Variants in UTS2 observed in about 807,000 individuals in gnomAD.
UTS2 encodes the protein urotensin 2.
In UTS2, 10 loss-of-function variants were observed where a neutral mutation model predicts 12.6. The ratio of observed to expected loss-of-function variants is 0.80; its 90% CI spans 0.49 to 1.35. UTS2 has a LOEUF of 1.35. Among genes scored for constraint, UTS2 ranks in the 40% most tolerant of loss-of-function variants. The pLI, the probability that UTS2 is intolerant of heterozygous loss-of-function variation, is 0.00. For synonymous variants in UTS2, 52 were observed against 50.0 expected, an observed-to-expected ratio of 1.04 and a Z score of -0.17; for missense variants, 142 against 143.2, an observed-to-expected ratio of 0.99 and a Z score of 0.04.
chr1:7,848,223 A>G (rs2151381498), intron 3 of UTS2, among the ~76,000 whole-genome samples: 1 of 152,194 alleles, frequency 6.6e-6, no homozygotes, highest in South Asian at 2.1e-4. Context: ...TGAGGTGGGC[A>G]GATCACTTGA....
chr1:7,847,722 T>TAAG lies in UTS2; in HGVS notation c.*41_*43dup. The stretch of plus-strand genomic sequence containing the variant: ...AAGCATTGTGTTATTTTTCATATTC[T>TAAG]AAGATGGGTGTTTCTGAGCTGACTA... On this transcript the variant is annotated 3_prime_UTR_variant, in exon 4 of 4. Transcript: ENST00000361696. 1 of 1,443,538 alleles carries TAAG rather than the reference T, an allele frequency of 6.9e-7. No individual in the cohort carries two copies. Among genetic ancestry groups the TAAG allele is most frequent in the South Asian group, 1.2e-5 (1 of 83,936 alleles). The allele number at this position is 1,443,538 out of a possible 1,614,324, so 89.4% of individuals were successfully genotyped here. A position where few individuals can be genotyped will look rare whatever the true frequency, so the allele number is the denominator to read the frequency against.
At chr1:7,882,020 A>C in the UTS2 span, among the ~76,000 whole-genome samples, 1 of 152,160 alleles carries the variant, frequency 6.6e-6, no homozygotes, top group Non-Finnish European at 1.5e-5. Flanking sequence ...AAGAACAGAC[A>C]CTGGGTAAAA....
At chr1:7,878,174 C>A in the UTS2 span, among the ~76,000 whole-genome samples, 6 of 152,170 alleles carry the variant, frequency 3.9e-5, no homozygotes, top group Admixed American at 2.0e-4. Flanking sequence ...GGATACTATA[C>A]CCAGGAAAGC....
chr1:7,906,525 A>C, the UTS2 span, among the ~76,000 whole-genome samples: 1 of 135,376 alleles, frequency 7.4e-6, no homozygotes, highest in Non-Finnish European at 1.6e-5. Flanking sequence ...GGAGGGAGGG[A>C]GGGGAAACTT....
chr1:7,876,245 A>G, the UTS2 span, among the ~76,000 whole-genome samples: 6 of 152,146 alleles, frequency 3.9e-5, no homozygotes, highest in African/African-American at 1.4e-4. Context: ...TGCCACCAGC[A>G]TGTGCTTACA....
chr1:7,853,813 G>A (rs570100607), upstream of UTS2, among the ~76,000 whole-genome samples: 31 of 152,338 alleles, frequency 2.0e-4, no homozygotes, highest in Admixed American at 1.6e-3. Context: ...CCCGACAGGC[G>A]TCCTGAAGTC....
chr1:7,849,647 A>G lies in UTS2; in HGVS notation c.251T>C (p.Leu84Ser). The G allele has an allele frequency of 1.9e-6, 3 of 1,610,464 alleles. No individual in the cohort carries two copies. In the South Asian group the frequency reaches 3.3e-5, roughly 18 times the overall value. ...STNIFNPRGN[L>S]RKFQDFSGQD... ...ATAAATAGAGTCACTTACCTTTCTC[A>G]AATTTCCTCTTGGGTTAAAAATGTT... The change falls in exon 3 of 4, where the codon TTG (leucine) becomes TCG (serine). Residue 84 changes from leucine (L) to serine (S), a missense_variant. Leu to Ser is a moderately radical substitution (Grantham distance 145, BLOSUM62 -2). Coordinates refer to ENST00000361696, the MANE Select transcript of UTS2 (RefSeq NM_006786.4).
chr1:7,856,174 G>A (rs774211394), upstream of UTS2, among the ~76,000 whole-genome samples: 67 of 144,750 alleles, frequency 4.6e-4, 1 homozygote, highest in South Asian at 1.1e-3. Flanking sequence ...AGGCAGACTC[G>A]ATAAATATTT....
At chr1:7,855,658 C>T (rs1638291634), upstream of UTS2, among the ~76,000 whole-genome samples, 1 of 150,640 alleles carries the variant, frequency 6.6e-6, no homozygotes, top group African/African-American at 2.4e-5. Flanking sequence ...GCTGGGATTA[C>T]AGGTGTGAGC....
the UTS2 span, among the ~76,000 whole-genome samples, chr1:7,894,429 C>T: frequency 6.6e-6 from 1 of 152,088 alleles, no homozygotes; most frequent in African/African-American, 2.4e-5. Context: ...CCTCCTCGGC[C>T]TCCCAAAGTG....
At chr1:7,902,631 T>C in the UTS2 span, among the ~76,000 whole-genome samples, 182 of 152,168 alleles carry the variant, frequency 1.2e-3, 2 homozygotes, top group Admixed American at 2.8e-3. Context: ...CTCGCTATGT[T>C]GGCCAGGCTG....
Position 7,852,955 on chromosome 1 carries a change from G to T in UTS2, c.49C>A (p.Pro17Thr), listed in dbSNP as rs142568146. The T allele has an allele frequency of 1.9e-6, 3 of 1,613,516 alleles. No individual in the cohort carries two copies. Among genetic ancestry groups the T allele is most frequent in the South Asian group, 1.1e-5 (1 of 91,004 alleles). ...TCAAGGAGAGGAAGAGATAAGAGAG[G>T]ATTTAAGAATCCTATGAAAAGCAAA... ...CCLLFIGFLN[P>T]LLSLPLLDSR... The change falls in exon 1 of 4, where the codon CCT (proline) becomes ACT (threonine). Residue 17 changes from proline (P) to threonine (T), a missense_variant. Transcript: ENST00000361696.
chr1:7,885,972 G>T, the UTS2 span, among the ~76,000 whole-genome samples: 6 of 150,904 alleles, frequency 4.0e-5, no homozygotes, highest in African/African-American at 1.5e-4. Flanking sequence ...TGGGGCCCCA[G>T]TTTCTTGCTC....
At chr1:7,863,325 G>A in the UTS2 span, among the ~76,000 whole-genome samples, 1 of 151,718 alleles carries the variant, frequency 6.6e-6, no homozygotes, top group African/African-American at 2.4e-5. Flanking sequence ...TGGTCAGGCT[G>A]GTCTCGAACT....
chr1:7,857,124 G>GAAGGAAGGAAGGAAGGA (rs1306308550), upstream of UTS2, among the ~76,000 whole-genome samples: 2 of 151,262 alleles, frequency 1.3e-5, no homozygotes, highest in Non-Finnish European at 3.0e-5. Context: ...AGGAAGGAAG[G>GAAGGAAGGAAGGAAGGA]AAGGAAGGAA....
the UTS2 span, among the ~76,000 whole-genome samples, chr1:7,911,722 C>T: frequency 1.4e-4 from 21 of 151,870 alleles, no homozygotes; most frequent in South Asian, 4.2e-4. Flanking sequence ...GCCAACATGG[C>T]GAAACCCCGT....
chr1:7,891,520 G>T, the UTS2 span, among the ~76,000 whole-genome samples: 1 of 93,084 alleles, frequency 1.1e-5, no homozygotes, highest in South Asian at 3.2e-4. Flanking sequence ...AGCCAGACTC[G>T]ATCTAAGAAA....
At chr1:7,912,406 C>A in the UTS2 span, among the ~76,000 whole-genome samples, 1 of 152,110 alleles carries the variant, frequency 6.6e-6, no homozygotes, top group Non-Finnish European at 1.5e-5. Flanking sequence ...CATAAACAGA[C>A]CTGATTGGGA....
the UTS2 span, among the ~76,000 whole-genome samples, chr1:7,885,226 G>C: frequency 6.6e-6 from 1 of 152,168 alleles, no homozygotes; most frequent in African/African-American, 2.4e-5. Flanking sequence ...AACATCTTTG[G>C]AAAGTTTTCC....
Sources: gnomAD v4.1 joint callset for allele counts (sites outside exome capture counted in the v4.1 genomes callset) on GRCh38, gnomAD v4.1.1 for gene constraint, MANE v1.5 for transcripts, NCBI Gene and HGNC (gene_info 2026-07-23, HGNC 2026-07-21) for gene names.